The following LHFPL1 variants were observed in gnomAD, a reference collection of about 807,000 sequenced individuals.
LHFPL1 encodes LHFPL tetraspan subfamily member 1 protein.
A neutral mutation model predicts 12.1 loss-of-function variants in LHFPL1; 4 were observed. The ratio of observed to expected loss-of-function variants is 0.33; its 90% CI spans 0.16 to 0.76. The LOEUF (loss-of-function observed/expected upper bound fraction) is 0.76. Among genes scored for constraint, LHFPL1 ranks in the 30% least tolerant of loss-of-function variants. The probability of loss-of-function intolerance (pLI) is 0.61; values close to 1 mark genes in which losing one functional copy is unlikely to be tolerated. For synonymous variants in LHFPL1, 52 were observed against 61.9 expected (o/e 0.84, Z 0.75); for missense variants, 141 against 174.1 (o/e 0.81, Z 1.07).
chrX:112,664,735 A>T (rs887112927), intron 2 of LHFPL1, among the ~76,000 whole-genome samples: 1 of 112,087 alleles, frequency 8.9e-6, no homozygotes, highest in Non-Finnish European at 1.9e-5. Context: ...TTAAAAATAA[A>T]AATGGATTCA....
At chrX:112,676,607 C>T (rs183643112) in intron 1 of LHFPL1, among the ~76,000 whole-genome samples, 1 of 112,203 alleles carries the variant, frequency 8.9e-6, no homozygotes, top group East Asian at 2.8e-4. Flanking sequence ...CTAATGTTTG[C>T]TCATCTTTAG....
chrX:112,636,736 C>T (rs12559735), intron 3 of LHFPL1, among the ~76,000 whole-genome samples: 2,217 of 111,838 alleles, frequency 0.02, 39 homozygotes, highest in East Asian at 0.13. Flanking sequence ...CTCTTTAACC[C>T]TTAAAATGTG....
At chrX:112,665,968 C>T (rs921235582) in intron 2 of LHFPL1, among the ~76,000 whole-genome samples, 4 of 111,865 alleles carry the variant, frequency 3.6e-5, no homozygotes, top group African/African-American at 1.3e-4. Context: ...AGGTAGATGC[C>T]TAATCTTTGT....
intron 3 of LHFPL1, among the ~76,000 whole-genome samples, chrX:112,649,308 ATCT>A (rs769510915): frequency 7.2e-5 from 8 of 111,763 alleles, no homozygotes; most frequent in Non-Finnish European, 1.3e-4. Flanking sequence ...GGCATTTCTA[ATCT>A]TCTTTTTATC....
intron 2 of LHFPL1, among the ~76,000 whole-genome samples, chrX:112,665,784 C>T (rs1931315138): frequency 9.1e-6 from 1 of 109,802 alleles, no homozygotes. Context: ...AGCTTCAGCC[C>T]TTGTGGAAAC....
chrX:112,641,299 T>C (rs1226238904), intron 3 of LHFPL1, among the ~76,000 whole-genome samples: 1 of 112,238 alleles, frequency 8.9e-6, no homozygotes, highest in South Asian at 3.7e-4. Flanking sequence ...TTTCATTTGT[T>C]TTATTCATTC....
intron 1 of LHFPL1, among the ~76,000 whole-genome samples, chrX:112,676,903 T>C (rs1931670631): frequency 8.9e-6 from 1 of 112,146 alleles, no homozygotes; most frequent in African/African-American, 3.2e-5. Context: ...ATCTTCCAAA[T>C]GAGAGCCCTT....
At chrX:112,669,927 T>G (rs1051813693) in intron 2 of LHFPL1, among the ~76,000 whole-genome samples, 9 of 111,777 alleles carry the variant, frequency 8.1e-5, no homozygotes, top group Admixed American at 9.5e-5. Flanking sequence ...ATGCAGTCAT[T>G]GGACAGAAGA....
chrX:112,654,364 T>C (rs958171461), intron 3 of LHFPL1, among the ~76,000 whole-genome samples: 1 of 111,053 alleles, frequency 9.0e-6, no homozygotes, highest in African/African-American at 3.3e-5. Context: ...CAGAGCATGT[T>C]ATTATGTTAT....
chrX:112,666,570 A>G (rs1188114834), intron 2 of LHFPL1, among the ~76,000 whole-genome samples: 1 of 111,347 alleles, frequency 9.0e-6, no homozygotes, highest in Admixed American at 9.6e-5. Context: ...ATAAATAACA[A>G]CTCCCAGACA....
chrX:112,654,611 T>C (rs1395296867), intron 3 of LHFPL1, among the ~76,000 whole-genome samples: 1 of 110,195 alleles, frequency 9.1e-6, no homozygotes, highest in Non-Finnish European at 1.9e-5. Context: ...TTTATATTTA[T>C]TAAAAATTCT....
intron 3 of LHFPL1, among the ~76,000 whole-genome samples, chrX:112,636,698 T>A (rs1256897040): frequency 8.9e-6 from 1 of 111,967 alleles, no homozygotes; most frequent in Admixed American, 9.5e-5. Context: ...AATATTTGAA[T>A]AAATGTTTTA....
intron 3 of LHFPL1, among the ~76,000 whole-genome samples, chrX:112,653,823 T>A (rs1207327391): frequency 8.9e-6 from 1 of 112,605 alleles, no homozygotes; most frequent in Non-Finnish European, 1.9e-5. Context: ...GAATTGTAAT[T>A]GCAAATTAGA....
intron 1 of LHFPL1, among the ~76,000 whole-genome samples, chrX:112,677,358 G>A (rs1443141933): frequency 9.0e-6 from 1 of 111,418 alleles, no homozygotes; most frequent in East Asian, 2.8e-4. Flanking sequence ...AAGACTGCTG[G>A]TTTAGGACTG....
chrX:112,660,011 T>G (rs1286604892), intron 3 of LHFPL1, among the ~76,000 whole-genome samples: 3 of 112,047 alleles, frequency 2.7e-5, no homozygotes, highest in Non-Finnish European at 5.6e-5. Context: ...TCTCCTACTC[T>G]CTTTCATCAT....
intron 3 of LHFPL1, chrX:112,648,630 CA>C (rs1929148547): frequency 9.0e-6 from 1 of 111,325 alleles, no homozygotes; most frequent in Admixed American, 9.5e-5. Context: ...TTAAAAAAAA[CA>C]AACTCACAAA....
At chrX:112,678,320 G>A (rs1279247749) in intron 1 of LHFPL1, among the ~76,000 whole-genome samples, 1 of 111,548 alleles carries the variant, frequency 9.0e-6, no homozygotes, top group Non-Finnish European at 1.9e-5. Context: ...GATTTTAAAA[G>A]TGAGGTACCA....
intron 1 of LHFPL1, among the ~76,000 whole-genome samples, chrX:112,679,472 T>G (rs1254414774): frequency 8.9e-6 from 1 of 111,749 alleles, no homozygotes. Flanking sequence ...TTTACTTGTA[T>G]AGACAGGTCA....
At chrX:112,652,788 G>C (rs950030607) in intron 3 of LHFPL1, among the ~76,000 whole-genome samples, 1 of 111,967 alleles carries the variant, frequency 8.9e-6, no homozygotes, top group South Asian at 3.8e-4. Flanking sequence ...GTATATGAGA[G>C]TCTTATTCTT....
Sources: allele counts gnomAD v4.1 joint callset (sites outside exome capture counted in the v4.1 genomes callset), GRCh38; gene constraint gnomAD v4.1.1; transcripts MANE v1.5; gene names NCBI Gene and HGNC (gene_info 2026-07-23, HGNC 2026-07-21).